Variants in LFNG observed in about 807,000 individuals in gnomAD.
LFNG encodes the protein beta-1,3-N-acetylglucosaminyltransferase lunatic fringe.
LFNG carries 15 observed loss-of-function variants against 32.7 expected under a neutral mutation model. That is an observed-to-expected ratio of 0.46 (90% CI 0.31 to 0.71). LFNG has a LOEUF of 0.71. Ranked by LOEUF, LFNG falls within the 30% of genes least tolerant of loss-of-function variation. The pLI, the probability that LFNG is intolerant of heterozygous loss-of-function variation, is 0.06. For synonymous variants in LFNG, 274 were observed against 246.8 expected, an observed-to-expected ratio of 1.11 and a Z score of -1.03; for missense variants, 520 against 545.7, an observed-to-expected ratio of 0.95 and a Z score of 0.47.
chr7:2,515,482 G>A (rs1167763792), upstream of LFNG, among the ~76,000 whole-genome samples: 2 of 152,198 alleles, frequency 1.3e-5, no homozygotes, highest in Non-Finnish European at 2.9e-5. Flanking sequence ...AGCCCTTGGT[G>A]GGCCCTGCAG....
chr7:2,518,959 G>A (rs1779699752), upstream of LFNG, among the ~76,000 whole-genome samples: 1 of 152,146 alleles, frequency 6.6e-6, no homozygotes, highest in African/African-American at 2.4e-5. Context: ...TGCCGGGGAG[G>A]CGGGGTGGGG....
rs1190961219 is a variant in LFNG, at chr7:2,520,699, T to A, written c.432+406T>A. Among the ~76,000 whole-genome samples, 1 of 152,232 alleles carries A rather than the reference T, an allele frequency of 6.6e-6. No individual in the cohort carries two copies. Among genetic ancestry groups the A allele is most frequent in the South Asian group, 2.1e-4 (1 of 4,832 alleles). On this transcript the variant is annotated intron_variant, in intron 1 of 7. Coordinates refer to ENST00000222725, the MANE Select transcript of LFNG (RefSeq NM_001040167.2). This position sits in a 1 kb window ranked among gnomAD's most constrained non-coding sequence, Gnocchi z 5.0. ...CAGACCCCTTCCTGGGGAGAAAGGC[T>A]CTTCCTTTAGAGAAGTGAGGGGTTC...
Position 2,525,683 on chromosome 7 carries a change from A to G in LFNG, c.736-2A>G, listed in dbSNP as rs1779948343. On this transcript the variant is annotated splice_acceptor_variant, in intron 4 of 7. Transcript: ENST00000222725. LOFTEE classifies it high-confidence loss of function. ...CTCAGGACACCTTCTCCCTTCTCCC[A>G]GCGTCCTGTCCACTTCTGGTTTGCC... 8 of 1,613,208 alleles carry G rather than the reference A, an allele frequency of 5.0e-6. No individual in the cohort carries two copies. Among genetic ancestry groups the G allele is most frequent in the Non-Finnish European group, 6.8e-6 (8 of 1,179,966 alleles).
In LFNG at chr7:2,520,071, C is replaced by T. The variant is rs1779742685; in HGVS notation, c.210C>T (p.Asp70=). The change falls in exon 1 of 8, where the codon GAC becomes GAT. Residue 70 remains aspartate (D), a synonymous_variant. Coordinates refer to ENST00000222725, the MANE Select transcript of LFNG (RefSeq NM_001040167.2). This position sits in a 1 kb window ranked among gnomAD's most constrained non-coding sequence, Gnocchi z 5.0. ...AAAAPGALVR[D]VHSLSEYFSL... ...CGGCGCCCGGGGCGCTGGTCCGCGA[C>T]GTGCACAGTCTGTCCGAGTACTTCA... The T allele has an allele frequency of 3.2e-6, 4 of 1,235,338 alleles. No homozygotes were observed. Among genetic ancestry groups the T allele is most frequent in the Non-Finnish European group, 4.1e-6 (4 of 981,968 alleles). The allele number at this position is 1,235,338 out of a possible 1,614,324, so 76.5% of individuals were successfully genotyped here. A position where few individuals can be genotyped will look rare whatever the true frequency, so the allele number is the denominator to read the frequency against.
chr7:2,513,371 CT>C, upstream of LFNG: 1 of 1,544,402 alleles, frequency 6.5e-7, no homozygotes, highest in East Asian at 2.3e-5. Flanking sequence ...CCTTCTTCTG[CT>C]TCCAGAGCAG....
upstream of LFNG, among the ~76,000 whole-genome samples, chr7:2,516,598 C>T (rs554729588): frequency 2.1e-4 from 32 of 152,322 alleles, no homozygotes; most frequent in African/African-American, 3.4e-4. Flanking sequence ...AGCCTGATGG[C>T]GGCTAGAGGA....
chr7:2,528,375 T>C lies in LFNG; in HGVS notation c.*1163T>C. On this transcript the variant is annotated 3_prime_UTR_variant, in exon 8 of 8. Coordinates refer to ENST00000222725, the MANE Select transcript of LFNG (RefSeq NM_001040167.2). The stretch of plus-strand genomic sequence containing the variant: ...GGGAAAAGTTCTCAGGGAATTGAAG[T>C]GTTGTTGCTATGGTGACGTCCTTTT... 1 of 986,488 alleles carries C rather than the reference T, an allele frequency of 1.0e-6. No homozygotes were observed. The allele number at this position is 986,488 out of a possible 1,614,324, so 61.1% of individuals were successfully genotyped here.
chr7:2,525,912 C>T, intron 5 of LFNG, 142 bp downstream of exon 5: 1 of 807,124 alleles, frequency 1.2e-6, no homozygotes, highest in South Asian at 1.5e-5. Context: ...TTCCACTTCC[C>T]TCTGGGTTTC....
At chr7:2,529,106 C>G, downstream of LFNG, 1 of 392,892 alleles carries the variant, frequency 2.5e-6, no homozygotes, top group Non-Finnish European at 4.5e-6. This position sits in a 1 kb window ranked among gnomAD's most constrained non-coding sequence, Gnocchi z 4.2. Context: ...TGCAGCTGGT[C>G]CCAGCCCCTG....
In LFNG at chr7:2,527,084, C is replaced by T. The variant is rs1231146724; in HGVS notation, c.1074-62C>T. The T allele has an allele frequency of 1.3e-6, 2 of 1,544,938 alleles. No individual in the cohort carries two copies. The highest frequency in any genetic ancestry group is 1.8e-6 in the Non-Finnish European group (2 of 1,121,068). ...TGGGGCCGCCAGTGTTGTGGGACTG[C>T]AAATGGGAGCTCAGCACCTGCCTGC... On this transcript the variant is annotated intron_variant, in intron 7 of 7. Coordinates refer to ENST00000222725, the MANE Select transcript of LFNG (RefSeq NM_001040167.2). This position sits in a 1 kb window ranked among gnomAD's most constrained non-coding sequence, Gnocchi z 4.4.
At position 2,526,656 on chromosome 7, in the gene LFNG, C is replaced by T. The variant is rs1779986332; in HGVS notation, c.988-180C>T. ...TATTTTGTCCACGCTGGCAATGCAG[C>T]CAGCCCCAGCTGGTCCCCAGTTTGG... On this transcript the variant is annotated intron_variant, in intron 6 of 7. Coordinates refer to ENST00000222725, the MANE Select transcript of LFNG (RefSeq NM_001040167.2). This position sits in a 1 kb window ranked among gnomAD's most constrained non-coding sequence, Gnocchi z 6.9. Among the ~76,000 whole-genome samples, 1 of 152,200 alleles carries T rather than the reference C, an allele frequency of 6.6e-6. No individual in the cohort carries two copies. Among genetic ancestry groups the T allele is most frequent in the African/African-American group, 2.4e-5 (1 of 41,442 alleles).
upstream of LFNG, among the ~76,000 whole-genome samples, chr7:2,514,022 T>A (rs571122118): frequency 1.1e-4 from 17 of 152,368 alleles, no homozygotes; most frequent in African/African-American, 4.1e-4. Flanking sequence ...TGGACCCGTC[T>A]GTAAGACCAA....
Position 2,526,869 on chromosome 7 carries a change from C to T in LFNG, c.1021C>T (p.Arg341Trp), listed in dbSNP as rs147110861. 5.9e-4 allele frequency: 955 copies of T among 1,612,108 alleles called. 2 individuals carry two copies. Among genetic ancestry groups the T allele is most frequent in the Non-Finnish European group, 7.6e-4 (895 of 1,179,852 alleles). ...GAGCTACGGTATGTTTGAAAACAAG[C>T]GGAACGCCGTCCACGTGAAGGGGCC... The part of the protein sequence containing the change: ...TLSYGMFENK[R>W]NAVHVKGPFS... Residue 341 changes from arginine (R) to tryptophan (W), a missense_variant, in exon 7 of 8, where the codon CGG (arginine) becomes TGG (tryptophan). By Grantham distance (101) the Arg-to-Trp change is moderately radical (BLOSUM62 -3). Coordinates refer to ENST00000222725, the MANE Select transcript of LFNG (RefSeq NM_001040167.2). The surrounding 1 kb of genome is among the most constrained non-coding windows in gnomAD (Gnocchi z 6.9).
upstream of LFNG, among the ~76,000 whole-genome samples, chr7:2,513,530 A>C (rs1293751803): frequency 6.6e-6 from 1 of 152,000 alleles, no homozygotes; most frequent in Non-Finnish European, 1.5e-5. Flanking sequence ...GCCAAGACTG[A>C]CCCCTGCTCC....
chr7:2,518,621 C>T (rs374046342), upstream of LFNG: 4 of 1,609,128 alleles, frequency 2.5e-6, no homozygotes, highest in African/African-American at 2.7e-5. Context: ...GCTCCAAGGG[C>T]ACTTAAAGAA....
chr7:2,514,355 G>T (rs1183083827), upstream of LFNG, among the ~76,000 whole-genome samples: 1 of 152,230 alleles, frequency 6.6e-6, no homozygotes, highest in East Asian at 1.9e-4. Context: ...GATACACACA[G>T]GCACTGCTCT....
chr7:2,526,968 G>A lies in LFNG; in HGVS notation c.1073+47G>A. ...TGGGCTTGCGTAGGGTGGCCTAGGG[G>A]CGTCAGGGGGCCTCGTGGAGCTGCA... is the stretch of plus-strand genomic sequence containing the variant. On this transcript the variant is annotated intron_variant, in intron 7 of 7. Coordinates refer to ENST00000222725, the MANE Select transcript of LFNG (RefSeq NM_001040167.2). The surrounding 1 kb of genome is among the most constrained non-coding windows in gnomAD (Gnocchi z 6.9). 1.3e-6 allele frequency: 2 copies of A among 1,555,340 alleles called. No individual in the cohort carries two copies. Among genetic ancestry groups the A allele is most frequent in the South Asian group, 1.1e-5 (1 of 88,978 alleles).
chr7:2,522,681 C>A (rs1057414734), intron 1 of LFNG, among the ~76,000 whole-genome samples: 4 of 152,220 alleles, frequency 2.6e-5, no homozygotes, highest in African/African-American at 7.2e-5. Flanking sequence ...AAGGCAGGGA[C>A]TGGGCTGGTC....
Position 2,519,847 on chromosome 7 carries a change from G to C in LFNG, c.-15G>C. On this transcript the variant is annotated 5_prime_UTR_variant, in exon 1 of 8. Coordinates refer to ENST00000222725, the MANE Select transcript of LFNG (RefSeq NM_001040167.2). ...GCGCACGGGGAAGGGCGCGCCGCGC[G>C]GCCGCCACCCCACCATGCTCAAGCG... The C allele has an allele frequency of 1.9e-6, 2 of 1,080,200 alleles. No individual in the cohort carries two copies. Among genetic ancestry groups the C allele is most frequent in the Non-Finnish European group, 2.2e-6 (2 of 892,046 alleles). 66.9% of individuals were successfully genotyped at this position (1,080,200 alleles called of 1,614,324 possible). A position where few individuals can be genotyped will look rare whatever the true frequency, so the allele number is the denominator to read the frequency against.
Sources: gnomAD v4.1 joint callset for allele counts (sites outside exome capture counted in the v4.1 genomes callset) on GRCh38, gnomAD v4.1.1 for gene constraint, Gnocchi (gnomAD v3.1) non-coding constraint, MANE v1.5 for transcripts, NCBI Gene and HGNC (gene_info 2026-07-23, HGNC 2026-07-21) for gene names.